PCDHGA4: variants seen among roughly 807,000 people sequenced by gnomAD.
PCDHGA4 encodes protocadherin gamma subfamily A, 4, also known as protocadherin gamma-A4.
PCDHGA4 carries 38 observed loss-of-function variants against 54.6 expected under a neutral mutation model. That is an observed-to-expected ratio of 0.70 (90% CI 0.54 to 0.91). The LOEUF (loss-of-function observed/expected upper bound fraction) is 0.91. Among genes scored for constraint, PCDHGA4 ranks in the 40% least tolerant of loss-of-function variants. The pLI, the probability that PCDHGA4 is intolerant of heterozygous loss-of-function variation, is 0.00. For missense variants in PCDHGA4, 1,298 were observed against 1,220.9 expected (o/e 1.06, Z -0.94); for synonymous variants, 511 against 512.9 (o/e 1.00, Z 0.05).
chr5:141,372,219 G>C, intron 1 of PCDHGA4: 5 of 1,613,542 alleles, frequency 3.1e-6, no homozygotes, highest in Non-Finnish European at 4.2e-6. Flanking sequence ...CTACCACATT[G>C]TGCAGGCCAG....
intron 1 of PCDHGA4, among the ~76,000 whole-genome samples, chr5:141,494,328 G>T (rs1595238527): frequency 6.6e-6 from 1 of 152,200 alleles, no homozygotes; most frequent in Non-Finnish European, 1.5e-5. Flanking sequence ...CACCAAAAGG[G>T]TTACCAAGAA....
chr5:141,372,752 T>C (rs746659165), intron 1 of PCDHGA4: 9 of 1,613,300 alleles, frequency 5.6e-6, no homozygotes, highest in Non-Finnish European at 7.6e-6. Flanking sequence ...ATGAAGCCTC[T>C]TGGTTTGAAA....
At chr5:141,456,148 C>G (rs1408257938) in intron 1 of PCDHGA4, among the ~76,000 whole-genome samples, 1 of 152,080 alleles carries the variant, frequency 6.6e-6, no homozygotes, top group African/African-American at 2.4e-5. Flanking sequence ...CCGCCCGCCT[C>G]GGCCTCCTAA....
intron 1 of PCDHGA4, chr5:141,383,758 A>G: frequency 6.2e-7 from 1 of 1,613,970 alleles, no homozygotes. Flanking sequence ...AATAACTCCT[A>G]AACTTCCAAA....
At chr5:141,386,329 GA>G (rs1445155662) in intron 1 of PCDHGA4, among the ~76,000 whole-genome samples, 4 of 152,150 alleles carry the variant, frequency 2.6e-5, no homozygotes, top group Non-Finnish European at 4.4e-5. Context: ...TTGTCATCCA[GA>G]AGGGGTGGAT....
In PCDHGA4 at chr5:141,356,937, C is replaced by A; in HGVS notation, c.1830C>A (p.Pro610=). ...TDGSTGVELA[P]RSADSGYLVT... ...GCTCCACTGGTGTGGAGCTGGCACC[C>A]CGCTCCGCAGATTCCGGCTACCTGG... The change falls in exon 1 of 4, where the codon CCC becomes CCA. Residue 610 remains proline, a synonymous_variant. Transcript: ENST00000571252. The A allele has an allele frequency of 1.2e-6, 2 of 1,614,226 alleles. No individual in the cohort carries two copies. Among genetic ancestry groups the A allele is most frequent in the Non-Finnish European group, 1.7e-6 (2 of 1,180,042 alleles).
chr5:141,399,488 TAGTC>T (rs778579612), intron 1 of PCDHGA4: 12 of 1,613,904 alleles, frequency 7.4e-6, no homozygotes, highest in Admixed American at 1.7e-5. Flanking sequence ...GCGTCCTACT[TAGTC>T]AGTGTACCCG....
chr5:141,480,453 A>G (rs1033797238), intron 1 of PCDHGA4, among the ~76,000 whole-genome samples: 1 of 152,182 alleles, frequency 6.6e-6, no homozygotes, highest in African/African-American at 2.4e-5. Context: ...AATTATTTTT[A>G]TTAGTTCCTC....
Position 141,431,668 on chromosome 5 carries a change from A to C in PCDHGA4, c.2515-63139A>C. ...ATTGTAATTCAGGGACAATATCAAC[A>C]ATAGGGGAGTTGGACCACGAGGAGT... is the stretch of plus-strand genomic sequence containing the variant. On this transcript the variant is annotated intron_variant, in intron 1 of 3. Coordinates refer to ENST00000571252, the MANE Select transcript of PCDHGA4 (RefSeq NM_018917.4). This position sits in a 1 kb window ranked among gnomAD's most constrained non-coding sequence, Gnocchi z 4.8. The C allele has an allele frequency of 6.2e-7, 1 of 1,614,208 alleles. No individual in the cohort carries two copies. Among genetic ancestry groups the C allele is most frequent in the Non-Finnish European group, 8.5e-7 (1 of 1,180,036 alleles).
chr5:141,393,049 C>T (rs2092663894), intron 1 of PCDHGA4: 4 of 1,613,486 alleles, frequency 2.5e-6, no homozygotes, highest in South Asian at 1.1e-5. Context: ...GCTCTGAACC[C>T]GCGCAGCGGC....
intron 1 of PCDHGA4, chr5:141,371,741 T>C (rs1767988332): frequency 6.2e-7 from 1 of 1,614,004 alleles, no homozygotes; most frequent in East Asian, 2.2e-5. Flanking sequence ...ACGACAACGT[T>C]CCCGTTTTCC....
chr5:141,427,768 A>C (rs1003238906), intron 1 of PCDHGA4: 4 of 1,393,994 alleles, frequency 2.9e-6, no homozygotes, highest in Non-Finnish European at 4.0e-6. Context: ...ACTGACTTGG[A>C]GCTGCGGGCA....
chr5:141,420,460 A>G lies in PCDHGA4; in HGVS notation c.2514+62839A>G, dbSNP rs946386638. On this transcript the variant is annotated intron_variant, in intron 1 of 3. Coordinates refer to ENST00000571252, the MANE Select transcript of PCDHGA4 (RefSeq NM_018917.4). ...AATGCCTCAGTCTTCCTACTATTCA[A>G]AGACATTTTAAAGCAAACTACATGG... The G allele has an allele frequency of 3.4e-6, 3 of 889,944 alleles. No individual in the cohort carries two copies. The African/African-American group carries it at 5.2e-5, about 16-fold the overall frequency. 55.1% of individuals were successfully genotyped at this position (889,944 alleles called of 1,614,324 possible).
In PCDHGA4 at chr5:141,487,472, G is replaced by A. The variant is rs2099645737; in HGVS notation, c.2515-7335G>A. The A allele has an allele frequency of 2.5e-6, 4 of 1,614,178 alleles. No individual in the cohort carries two copies. Among genetic ancestry groups the A allele is most frequent in the Non-Finnish European group, 3.4e-6 (4 of 1,180,036 alleles). Reference sequence around the variant, plus strand: ...CCCTATCAAGTTTGTTGATGTGGGAGGCCACTCTCATGGCTGTACACCCTT... The same window carrying A: ...CCCTATCAAGTTTGTTGATGTGGGAAGCCACTCTCATGGCTGTACACCCTT... On this transcript the variant is annotated intron_variant, in intron 1 of 3. Coordinates refer to ENST00000571252, the MANE Select transcript of PCDHGA4 (RefSeq NM_018917.4). This position sits in a 1 kb window ranked among gnomAD's most constrained non-coding sequence, Gnocchi z 5.0.
In PCDHGA4 at chr5:141,511,284, G is replaced by A; in HGVS notation, c.*111G>A. Reference sequence around the variant, plus strand: ...AGGGCTAACCCCCAGAATACTGGTAGGGGCCAAGGCCATGCTCCCCTTGGG... The same window carrying A: ...AGGGCTAACCCCCAGAATACTGGTAAGGGCCAAGGCCATGCTCCCCTTGGG... On this transcript the variant is annotated 3_prime_UTR_variant, in exon 4 of 4. Coordinates refer to ENST00000571252, the MANE Select transcript of PCDHGA4 (RefSeq NM_018917.4). 6.5e-7 allele frequency: 1 copy of A among 1,528,376 alleles called. No individual in the cohort carries two copies. The highest frequency in any genetic ancestry group is 1.4e-5 in the African/African-American group (1 of 72,796). The allele number at this position is 1,528,376 out of a possible 1,614,324, so 94.7% of individuals were successfully genotyped here.
intron 1 of PCDHGA4, chr5:141,360,679 GA>G: frequency 6.2e-7 from 1 of 1,613,988 alleles, no homozygotes; most frequent in Non-Finnish European, 8.5e-7. Flanking sequence ...TGATCTCGCT[GA>G]GAAACAGACT....
At chr5:141,362,197 C>G in intron 1 of PCDHGA4, 1 of 1,614,082 alleles carries the variant, frequency 6.2e-7, no homozygotes, top group Admixed American at 1.7e-5. Context: ...CCAGGCAAAA[C>G]TGCAGTTTTA....
intron 1 of PCDHGA4, chr5:141,423,971 G>T: frequency 8.8e-7 from 1 of 1,136,014 alleles, no homozygotes; most frequent in Non-Finnish European, 1.1e-6. Context: ...TCTATTATCA[G>T]TGTATGAGGC....
At chr5:141,510,525 G>A (rs545854649) in intron 3 of PCDHGA4, among the ~76,000 whole-genome samples, 1 of 152,316 alleles carries the variant, frequency 6.6e-6, no homozygotes, top group African/African-American at 2.4e-5. Context: ...ACAGCCCTGA[G>A]AGAAATACCA....
Sources: allele counts gnomAD v4.1 joint callset (sites outside exome capture counted in the v4.1 genomes callset), GRCh38; gene constraint gnomAD v4.1.1; non-coding constraint Gnocchi (gnomAD v3.1); transcripts MANE v1.5; gene names NCBI Gene and HGNC (gene_info 2026-07-23, HGNC 2026-07-21).